ADCY8: variants seen among roughly 807,000 people sequenced by gnomAD.
The protein encoded by ADCY8 is adenylate cyclase type 8.
Under a neutral mutation model 119.7 loss-of-function variants are expected in ADCY8, and 51 were observed. The observed-to-expected ratio is 0.43, with a 90% CI of 0.34 to 0.54. The LOEUF (loss-of-function observed/expected upper bound fraction) is 0.54. Ranked by LOEUF, ADCY8 falls within the 20% of genes least tolerant of loss-of-function variation. The pLI is 0.03. For synonymous variants in ADCY8, 665 were observed against 651.0 expected, an observed-to-expected ratio of 1.02 and a Z score of -0.33; for missense variants, 1,383 against 1,598.8, an observed-to-expected ratio of 0.87 and a Z score of 2.30.
chr8:130,840,966 G>C (rs146449840), intron 11 of ADCY8, among the ~76,000 whole-genome samples: 1 of 152,148 alleles, frequency 6.6e-6, no homozygotes, highest in East Asian at 1.9e-4. Context: ...AAAAAAAATT[G>C]GTTAGGAAAA....
intron 1 of ADCY8, among the ~76,000 whole-genome samples, chr8:131,027,904 G>C (rs1586667931): frequency 6.6e-6 from 1 of 152,292 alleles, no homozygotes; most frequent in East Asian, 1.9e-4. Flanking sequence ...AGAAAGAAGA[G>C]TATGTAACCA....
chr8:131,000,332 T>C (rs1032901125), intron 1 of ADCY8, among the ~76,000 whole-genome samples: 5 of 152,054 alleles, frequency 3.3e-5, no homozygotes, highest in Admixed American at 6.5e-5. Flanking sequence ...AGGACACAGG[T>C]TTAATATTTT....
rs563805675 is a variant in ADCY8, at chr8:130,915,613, G to A, written c.1482-5747C>T. ...GAATTGGTCCTCTGTAGAGGTGTTA[G>A]GGTGGTTCATAAAATAATGTATGTA... On this transcript the variant is annotated intron_variant, in intron 5 of 17. Transcript: ENST00000286355. Among the ~76,000 whole-genome samples, 5 of 152,262 alleles carry A rather than the reference G, an allele frequency of 3.3e-5. No individual in the cohort carries two copies. The South Asian group carries it at 1.0e-3, about 32-fold the overall frequency.
intron 14 of ADCY8, among the ~76,000 whole-genome samples, chr8:130,805,673 G>T (rs1433171516): frequency 1.3e-5 from 2 of 152,216 alleles, no homozygotes; most frequent in Non-Finnish European, 2.9e-5. Flanking sequence ...GATAAGGATG[G>T]ATTGGACAAT....
chr8:131,028,293 A>G (rs1823882848), intron 1 of ADCY8, among the ~76,000 whole-genome samples: 1 of 152,232 alleles, frequency 6.6e-6, no homozygotes, highest in Admixed American at 6.5e-5. Flanking sequence ...TGGCTTGGGC[A>G]GGGCCCAAAG....
intron 5 of ADCY8, among the ~76,000 whole-genome samples, chr8:130,924,408 A>G (rs1431227405): frequency 6.6e-6 from 1 of 152,206 alleles, no homozygotes; most frequent in Non-Finnish European, 1.5e-5. Flanking sequence ...AAGGGGACTG[A>G]CGCCCTTTGC....
chr8:130,912,869 T>A (rs1163191138), intron 5 of ADCY8, among the ~76,000 whole-genome samples: 1 of 152,086 alleles, frequency 6.6e-6, no homozygotes, highest in Non-Finnish European at 1.5e-5. Context: ...TTAAAAAAAA[T>A]TGACAAGGCA....
At chr8:130,908,230 C>T (rs769054981) in intron 6 of ADCY8, among the ~76,000 whole-genome samples, 11 of 152,132 alleles carry the variant, frequency 7.2e-5, no homozygotes, top group Non-Finnish European at 1.3e-4. Context: ...CTAAGGTTTG[C>T]AAAAGGAATC....
In ADCY8 at chr8:130,898,712, C is replaced by T. The variant is rs6993336; in HGVS notation, c.1911+5060G>A. ...GGCCTTGCTTCTCAAAGAGTAGCCTCAGTTCTCTTGGCATATCACTTGTCA... is the reference window on the plus strand; with the variant it reads ...GGCCTTGCTTCTCAAAGAGTAGCCTTAGTTCTCTTGGCATATCACTTGTCA... On this transcript the variant is annotated intron_variant, in intron 7 of 17. Coordinates refer to ENST00000286355, the MANE Select transcript of ADCY8 (RefSeq NM_001115.3). 3.5e-3 allele frequency among the ~76,000 whole-genome samples: 537 copies of T among 152,294 alleles called. 2 individuals are homozygous for T. Among genetic ancestry groups the T allele is most frequent in the African/African-American group, 0.012 (497 of 41,560 alleles).
intron 5 of ADCY8, among the ~76,000 whole-genome samples, chr8:130,913,567 G>A: frequency 6.6e-6 from 1 of 152,060 alleles, no homozygotes; most frequent in East Asian, 1.9e-4. Context: ...TCTCTCCTGT[G>A]TCACCATCAT....
intron 5 of ADCY8, among the ~76,000 whole-genome samples, chr8:130,925,248 T>C (rs1820429014): frequency 6.6e-6 from 1 of 151,724 alleles, no homozygotes; most frequent in Admixed American, 6.6e-5. Context: ...AAAAAGAAAC[T>C]CAAACTGCTA....
chr8:130,783,887 C>T, intron 16 of ADCY8, 82 bp from the exon 17 acceptor site: 2 of 1,044,214 alleles, frequency 1.9e-6, no homozygotes, highest in South Asian at 3.0e-5. Flanking sequence ...GGCTTTACGT[C>T]CTAACCCAAC....
intron 14 of ADCY8, among the ~76,000 whole-genome samples, chr8:130,805,944 C>T (rs1586431104): frequency 1.3e-5 from 2 of 152,160 alleles, no homozygotes; most frequent in South Asian, 4.2e-4. Context: ...ACCCGGGCCC[C>T]ACAATTGTCT....
chr8:131,031,420 A>C (rs1044303072), intron 1 of ADCY8, among the ~76,000 whole-genome samples: 5 of 152,152 alleles, frequency 3.3e-5, no homozygotes, highest in Non-Finnish European at 7.4e-5. Context: ...GGCAGTCACC[A>C]TATTCTTTCT....
chr8:130,798,445 T>G (rs985787555), intron 15 of ADCY8, among the ~76,000 whole-genome samples: 12 of 152,022 alleles, frequency 7.9e-5, no homozygotes, highest in Admixed American at 5.2e-4. Context: ...AGGCAGAAAG[T>G]GCAGTGTGTG....
At chr8:130,898,615 AAATGTG>A (rs1402446291) in intron 7 of ADCY8, among the ~76,000 whole-genome samples, 1 of 152,202 alleles carries the variant, frequency 6.6e-6, no homozygotes, top group Non-Finnish European at 1.5e-5. Context: ...AGGCTGTAAT[AAATGTG>A]AAAGGGATGG....
intron 6 of ADCY8, among the ~76,000 whole-genome samples, chr8:130,909,157 C>A (rs956946675): frequency 2.0e-5 from 3 of 152,186 alleles, no homozygotes; most frequent in African/African-American, 4.8e-5. Context: ...AATCTTGATA[C>A]AACTTTTCAA....
chr8:130,933,205 TTA>T (rs1563734295), intron 5 of ADCY8, among the ~76,000 whole-genome samples: 11 of 151,644 alleles, frequency 7.3e-5, no homozygotes, highest in African/African-American at 2.7e-4. Flanking sequence ...TAAACAAATG[TTA>T]TATTAACATA....
At chr8:130,894,731 C>G (rs1439144752) in intron 7 of ADCY8, among the ~76,000 whole-genome samples, 1 of 152,130 alleles carries the variant, frequency 6.6e-6, no homozygotes, top group Non-Finnish European at 1.5e-5. Flanking sequence ...CGTGGCTGTT[C>G]AGGCCAACAA....
Sources: gnomAD v4.1 joint callset for allele counts (sites outside exome capture counted in the v4.1 genomes callset) on GRCh38, gnomAD v4.1.1 for gene constraint, MANE v1.5 for transcripts, NCBI Gene and HGNC (gene_info 2026-07-23, HGNC 2026-07-21) for gene names.